HM13: variants seen among roughly 807,000 people sequenced by gnomAD.
The protein encoded by HM13 is histocompatibility minor 13.
Under a neutral mutation model 50.0 loss-of-function variants are expected in HM13, and 18 were observed. The observed-to-expected ratio is 0.36, with a 90% CI of 0.25 to 0.53. The LOEUF is 0.53. Among genes scored for constraint, HM13 ranks in the 20% least tolerant of loss-of-function variants. The pLI, the probability that HM13 is intolerant of heterozygous loss-of-function variation, is 0.90. For missense variants in HM13, 393 were observed against 552.4 expected (o/e 0.71, Z 2.89); for synonymous variants, 197 against 232.6 (o/e 0.85, Z 1.39).
intron 1 of HM13, among the ~76,000 whole-genome samples, chr20:31,520,366 T>G (rs1393075169): frequency 6.6e-6 from 1 of 152,038 alleles, no homozygotes. Flanking sequence ...TGCAGTGGTG[T>G]GATCTTGGCT....
chr20:31,551,697 C>A (rs572461359), intron 7 of HM13, among the ~76,000 whole-genome samples: 1 of 152,308 alleles, frequency 6.6e-6, no homozygotes, highest in East Asian at 1.9e-4. Flanking sequence ...TGAGTGCATG[C>A]CATGGAAGCA....
chr20:31,565,414 G>T (rs1181497430), intron 10 of HM13, among the ~76,000 whole-genome samples: 1 of 149,918 alleles, frequency 6.7e-6, no homozygotes, highest in East Asian at 1.9e-4. Flanking sequence ...TGGAGGCGGA[G>T]GTTGCAGTGA....
chr20:31,550,364 G>A (rs1983977025), intron 7 of HM13: 7 of 518,956 alleles, frequency 1.3e-5, no homozygotes, highest in South Asian at 2.3e-5. Context: ...AAATGGGAGC[G>A]AGCATGGAGG....
intron 4 of HM13, among the ~76,000 whole-genome samples, chr20:31,545,347 A>T (rs1436859493): frequency 1.4e-5 from 2 of 147,702 alleles, no homozygotes; most frequent in East Asian, 3.8e-4. Context: ...AGCATTCAGC[A>T]TGGTGCCTGG....
At chr20:31,548,070 G>A (rs757765253) in intron 4 of HM13, 20 of 1,458,222 alleles carry the variant, frequency 1.4e-5, no homozygotes, top group Non-Finnish European at 1.8e-5. Flanking sequence ...GAATGCATTT[G>A]GGGGGCTAAA....
intron 8 of HM13, among the ~76,000 whole-genome samples, chr20:31,555,587 C>A (rs972683540): frequency 1.2e-4 from 18 of 152,146 alleles, no homozygotes; most frequent in African/African-American, 4.3e-4. Context: ...GGTGTGTCTG[C>A]TTATCTGGGC....
intron 12 of HM13, among the ~76,000 whole-genome samples, chr20:31,568,671 A>G (rs1985075602): frequency 6.6e-6 from 1 of 152,230 alleles, no homozygotes; most frequent in Non-Finnish European, 1.5e-5. Flanking sequence ...GTCTGTCTTC[A>G]GAGCAGCACC....
rs1004445695 is a variant in HM13, at chr20:31,534,118, T to C, written c.283-4061T>C. Among the ~76,000 whole-genome samples, 6 of 151,922 alleles carry C rather than the reference T, an allele frequency of 3.9e-5. No homozygotes were observed. In the South Asian group the frequency reaches 1.2e-3, roughly 31 times the overall value. ...TTCTTGAACTCCTGGCCTCATGCAATCCTCCCGCCTTGGCCTCCTAAAGTG... is the reference window on the plus strand; with the variant it reads ...TTCTTGAACTCCTGGCCTCATGCAACCCTCCCGCCTTGGCCTCCTAAAGTG... On this transcript the variant is annotated intron_variant, in intron 2 of 12. Coordinates refer to ENST00000398174, the MANE Select transcript of HM13 (RefSeq NM_178581.3).
Sources: allele counts gnomAD v4.1 joint callset (sites outside exome capture counted in the v4.1 genomes callset), GRCh38; gene constraint gnomAD v4.1.1; transcripts MANE v1.5; gene names NCBI Gene and HGNC (gene_info 2026-07-23, HGNC 2026-07-21).